Variants in ENO1 observed in about 807,000 individuals in gnomAD.
ENO1 encodes the protein alpha-enolase.
Under a neutral mutation model 46.3 loss-of-function variants are expected in ENO1, and 33 were observed. The ratio of observed to expected loss-of-function variants is 0.71; its 90% CI spans 0.54 to 0.95. The LOEUF is 0.95. ENO1 is among the 40% of genes least tolerant of loss of function. The pLI, the probability that ENO1 is intolerant of heterozygous loss-of-function variation, is 0.00. For missense variants in ENO1, 488 were observed against 553.3 expected, an observed-to-expected ratio of 0.88 and a Z score of 1.18; for synonymous variants, 220 against 216.0, an observed-to-expected ratio of 1.02 and a Z score of -0.16.
At position 8,871,609 on chromosome 1, in the gene ENO1, C is replaced by T. The variant is rs1219972994; in HGVS notation, c.181+282G>A. On this transcript the variant is annotated intron_variant, in intron 3 of 11. Coordinates refer to ENST00000234590, the MANE Select transcript of ENO1 (RefSeq NM_001428.5). ...CCTGTTCTCATGCTTGGGTTCCTGT[C>T]CTAACCGTGAAGGAGTATTTCGCAG... The T allele has an allele frequency of 4.9e-6, 6 of 1,221,656 alleles. No individual in the cohort carries two copies. In the African/African-American group the frequency reaches 7.7e-5, roughly 16 times the overall value. The allele number at this position is 1,221,656 out of a possible 1,614,324, so 75.7% of individuals were successfully genotyped here.
chr1:8,866,398 C>A lies in ENO1; in HGVS notation c.548G>T (p.Arg183Leu), dbSNP rs779265966. The change falls in exon 7 of 12, where the codon CGC (arginine) becomes CTC (leucine). Residue 183 changes from arginine to leucine, a missense_variant. By Grantham distance (102) the Arg-to-Leu change is moderately radical. Coordinates refer to ENST00000234590, the MANE Select transcript of ENO1 (RefSeq NM_001428.5). ...VGAANFREAM[R>L]IGAEVYHNLK... ...GTTGTGGTAAACCTCTGCTCCAATG[C>A]GCATGGCTTCCCTGAAGTTTGCTGC... 2 of 1,614,104 alleles carry A rather than the reference C, an allele frequency of 1.2e-6. No individual in the cohort carries two copies. Among genetic ancestry groups the A allele is most frequent in the Non-Finnish European group, 1.7e-6 (2 of 1,180,060 alleles).
chr1:8,870,504 G>T lies in ENO1; in HGVS notation c.188C>A (p.Ser63Ter). 1 of 1,614,182 alleles carries T rather than the reference G, an allele frequency of 6.2e-7. No individual in the cohort carries two copies. The highest frequency in any genetic ancestry group is 8.5e-7 in the Non-Finnish European group (1 of 1,180,036). ...DKTRYMGKGV[S>*]KAVEHINKTI... The stretch of plus-strand genomic sequence containing the variant: ...TTTATTGATGTGCTCAACAGCCTTT[G>T]AGACACCTGGAAGGAACAATCAAAT... Residue 63 changes from serine to a stop codon, truncating the protein, a stop_gained, in exon 4 of 12, where the codon TCA becomes TAA. Transcript: ENST00000234590. LOFTEE classifies it high-confidence loss of function.
At chr1:8,866,556 C>A (rs773984887) in intron 6 of ENO1, 55 bp from the exon 7 acceptor site, 3 of 1,578,082 alleles carry the variant, frequency 1.9e-6, no homozygotes, top group South Asian at 1.1e-5. Flanking sequence ...CCCCACAGGG[C>A]AGTAAGCCCC....
chr1:8,866,543 G>C, intron 6 of ENO1, 42 bp from the exon 7 acceptor site: 1 of 1,605,580 alleles, frequency 6.2e-7, no homozygotes, highest in Non-Finnish European at 8.5e-7. Context: ...TGGGTCCAGA[G>C]AGCCCCACAG....
chr1:8,867,154 T>C lies in ENO1; in HGVS notation c.407A>G (p.Asp136Gly), dbSNP rs751731640. ...KGVPLYRHIA[D>G]LAGNSEVILP... The stretch of plus-strand genomic sequence containing the variant: ...GATGACTTCAGAGTTGCCAGCCAAG[T>C]CAGCGATGTGGCGGTACAGGGGGAC... Residue 136 changes from aspartate to glycine, a missense_variant, in exon 6 of 12, where the codon GAC (aspartate) becomes GGC (glycine). Coordinates refer to ENST00000234590, the MANE Select transcript of ENO1 (RefSeq NM_001428.5). 1 of 1,614,092 alleles carries C rather than the reference T, an allele frequency of 6.2e-7. No individual in the cohort carries two copies.
In ENO1 at chr1:8,871,987, C is replaced by T. The variant is rs1288357917; in HGVS notation, c.86-1G>A. On this transcript the variant is annotated splice_acceptor_variant, in intron 2 of 11. Coordinates refer to ENST00000234590, the MANE Select transcript of ENO1 (RefSeq NM_001428.5). LOFTEE classifies it high-confidence loss of function. ...CTGGGCACAGCAGCTCTGAAGAGACCTGGATGAGAGGAAAAAAGATGTAGT... is the reference window on the plus strand; with the variant it reads ...CTGGGCACAGCAGCTCTGAAGAGACTTGGATGAGAGGAAAAAAGATGTAGT... 1 of 1,613,634 alleles carries T rather than the reference C, an allele frequency of 6.2e-7. No homozygotes were observed. Among genetic ancestry groups the T allele is most frequent in the South Asian group, 1.1e-5 (1 of 91,006 alleles).
intron 2 of ENO1, among the ~76,000 whole-genome samples, chr1:8,874,577 C>CAAAAAAAAAAACAA (rs1642696538): frequency 1.9e-5 from 1 of 51,604 alleles, no homozygotes; most frequent in Non-Finnish European, 3.5e-5. Flanking sequence ...GACTCCATCT[C>CAAAAAAAAAAACAA]AAAAAAAAAA....
rs200935067 is a variant in ENO1 at position 8,867,237 on chromosome 1, C to T, written c.324G>A (p.Ala108=). 1.9e-5 allele frequency: 31 copies of T among 1,614,134 alleles called. No homozygotes were observed. Among genetic ancestry groups the T allele is most frequent in the African/African-American group, 1.7e-4 (13 of 75,038 alleles). Residue 108 remains alanine (A), a synonymous_variant, in exon 6 of 12, where the codon GCG becomes GCA. Transcript: ENST00000234590. ...CAAGGGACACCCCCAGAATGGCGTTCGCACCAAACTTAGCTAGAACAGAAG... is the reference window on the plus strand; with the variant it reads ...CAAGGGACACCCCCAGAATGGCGTTTGCACCAAACTTAGCTAGAACAGAAG... The part of the protein sequence containing the change: ...DGTENKSKFG[A]NAILGVSLAV...
chr1:8,866,191 T>A, intron 7 of ENO1, 88 bp downstream of exon 7: 1 of 1,168,768 alleles, frequency 8.6e-7, no homozygotes, highest in Non-Finnish European at 1.2e-6. Flanking sequence ...AAGAATAGAT[T>A]TCCACAGTGG....
At chr1:8,867,551 AATTTTTTTTTTTCTTTT>A (rs1557582353) in intron 5 of ENO1, among the ~76,000 whole-genome samples, 2 of 149,622 alleles carry the variant, frequency 1.3e-5, no homozygotes, top group African/African-American at 2.5e-5. Context: ...ATTCAAAAAA[AATTTTTTTTTTTCTTTT>A]TTTTTGAGAC....
chr1:8,876,992 A>ATT (rs781048965), intron 1 of ENO1, among the ~76,000 whole-genome samples: 9 of 136,930 alleles, frequency 6.6e-5, no homozygotes, highest in African/African-American at 1.1e-4. Flanking sequence ...CGCCCAGGTG[A>ATT]TTTTTTTTTT....
intron 3 of ENO1, chr1:8,871,676 G>C: frequency 7.4e-7 from 1 of 1,347,820 alleles, no homozygotes. Flanking sequence ...TGGAACTCTC[G>C]ACCCAGAGCA....
At chr1:8,866,182 A>G in intron 7 of ENO1, 97 bp downstream of exon 7, 2 of 1,061,132 alleles carry the variant, frequency 1.9e-6, no homozygotes, top group Non-Finnish European at 1.4e-6. Context: ...ACAGGTGGAA[A>G]GAATAGATTT....
chr1:8,870,402 A>G, intron 4 of ENO1, 50 bp downstream of exon 4: 1 of 1,612,334 alleles, frequency 6.2e-7, no homozygotes, highest in Non-Finnish European at 8.5e-7. Flanking sequence ...TGGGCCTGGG[A>G]GACGCTCTGG....
chr1:8,861,090 CAT>C lies in ENO1; in HGVS notation c.*268_*269del. Reference sequence around the variant, plus strand: ...CACCCCGGAGATGACACGAGGCTCACATGACTCTAGACACTTGGTGGAAAGTG... The same window carrying C: ...CACCCCGGAGATGACACGAGGCTCACGACTCTAGACACTTGGTGGAAAGTG... On this transcript the variant is annotated 3_prime_UTR_variant, in exon 12 of 12. Transcript: ENST00000234590. 2.4e-6 allele frequency: 1 copy of C among 422,198 alleles called. No individual in the cohort carries two copies. Among genetic ancestry groups the C allele is most frequent in the South Asian group, 3.9e-5 (1 of 25,926 alleles). 26.2% of individuals were successfully genotyped at this position (422,198 alleles called of 1,614,324 possible).
At chr1:8,868,167 T>C in intron 4 of ENO1, 110 bp from the exon 5 acceptor site, 1 of 818,664 alleles carries the variant, frequency 1.2e-6, no homozygotes, top group Non-Finnish European at 2.0e-6. Flanking sequence ...AAATCAATTC[T>C]GTGATGTTTG....
chr1:8,870,564 G>A (rs1642609473), intron 3 of ENO1, 54 bp from the exon 4 acceptor site: 1 of 1,611,884 alleles, frequency 6.2e-7, no homozygotes, highest in African/African-American at 1.3e-5. Flanking sequence ...ACAGGCTTGA[G>A]CAGCATTGTT....
In ENO1 at chr1:8,870,445, G is replaced by T. The variant is rs1002135002; in HGVS notation, c.240+7C>A. The T allele has an allele frequency of 3.1e-6, 5 of 1,614,028 alleles. No homozygotes were observed. In the African/African-American group the frequency reaches 6.7e-5, roughly 22 times the overall value. ...AGACACATTAGTTATCAGGAGGCAG[G>T]TCCTACCTTGCTAACCAGGGCAGGC... is the stretch of plus-strand genomic sequence containing the variant. On this transcript the variant is annotated splice_region_variant and intron_variant, in intron 4 of 11. Transcript: ENST00000234590.
Position 8,862,870 on chromosome 1 carries a change from T to G in ENO1, c.1235+17A>C. Reference sequence around the variant, plus strand: ...CTAGTGAACCACAGGCCCCTTGTTCTCAGGAGCCCTCCTTACCTGAGGAGC... The same window carrying G: ...CTAGTGAACCACAGGCCCCTTGTTCGCAGGAGCCCTCCTTACCTGAGGAGC... On this transcript the variant is annotated intron_variant, in intron 11 of 11. Coordinates refer to ENST00000234590, the MANE Select transcript of ENO1 (RefSeq NM_001428.5). 1.9e-6 allele frequency: 3 copies of G among 1,613,308 alleles called. No individual in the cohort carries two copies. Among genetic ancestry groups the G allele is most frequent in the Non-Finnish European group, 2.5e-6 (3 of 1,179,450 alleles).
Sources: gnomAD v4.1 joint callset for allele counts (sites outside exome capture counted in the v4.1 genomes callset) on GRCh38, gnomAD v4.1.1 for gene constraint, MANE v1.5 for transcripts, NCBI Gene and HGNC (gene_info 2026-07-23, HGNC 2026-07-21) for gene names.